TBC1D9: variants seen among roughly 807,000 people sequenced by gnomAD.
The protein encoded by TBC1D9 is TBC1 domain family member 9A.
In TBC1D9, 63 loss-of-function variants were observed where a neutral mutation model predicts 132.0. The observed-to-expected ratio is 0.48, with a 90% confidence interval of 0.39 to 0.59. The LOEUF is 0.59. Ranked by LOEUF, TBC1D9 falls within the 20% of genes least tolerant of loss-of-function variation. The probability of loss-of-function intolerance (pLI) is 0.00; values close to 1 mark genes in which losing one functional copy is unlikely to be tolerated. For synonymous variants in TBC1D9, 610 were observed against 609.9 expected, an observed-to-expected ratio of 1.00 and a Z score of 0.00; for missense variants, 1,261 against 1,592.7, an observed-to-expected ratio of 0.79 and a Z score of 3.54.
intron 16 of TBC1D9, among the ~76,000 whole-genome samples, chr4:140,631,377 TACGCCC>T (rs1736793033): frequency 6.6e-6 from 1 of 151,476 alleles, no homozygotes; most frequent in African/African-American, 2.4e-5. Flanking sequence ...CGCCCACCAG[TACGCCC>T]GGCTAATTTT....
intron 1 of TBC1D9, among the ~76,000 whole-genome samples, chr4:140,748,736 G>A (rs1433476748): frequency 3.9e-5 from 6 of 152,040 alleles, no homozygotes; most frequent in Non-Finnish European, 8.8e-5. Context: ...GCATAATAAA[G>A]ACATTTGGAG....
At chr4:140,728,649 G>A (rs894343758) in intron 1 of TBC1D9, among the ~76,000 whole-genome samples, 3 of 151,534 alleles carry the variant, frequency 2.0e-5, no homozygotes, top group Admixed American at 6.6e-5. Flanking sequence ...TTACAGGTAC[G>A]TGCCACCACG....
intron 9 of TBC1D9, among the ~76,000 whole-genome samples, chr4:140,665,060 T>C (rs1008210163): frequency 6.6e-6 from 1 of 150,552 alleles, no homozygotes; most frequent in Non-Finnish European, 1.5e-5. Context: ...TGAGCCAAGA[T>C]TATGCCATTG....
At chr4:140,623,362 C>T (rs6819656) in intron 20 of TBC1D9, among the ~76,000 whole-genome samples, 28,547 of 152,122 alleles carry the variant, frequency 0.19, 3,191 homozygotes, top group African/African-American at 0.31. Flanking sequence ...GCCACCACAC[C>T]CAGCTTATTT....
At chr4:140,692,849 A>C (rs1246252890) in intron 2 of TBC1D9, among the ~76,000 whole-genome samples, 1 of 151,952 alleles carries the variant, frequency 6.6e-6, no homozygotes, top group African/African-American at 2.4e-5. Context: ...GCAATACCCT[A>C]TCTCTACAAA....
chr4:140,628,358 T>C lies in TBC1D9; in HGVS notation c.2754A>G (p.Ala918=), dbSNP rs1309725509. ...GCTTCTCTGTGAGGTCCCCATGGCA[T>C]GCAGCACCTAGAAGTCACATAAGTA... is the stretch of plus-strand genomic sequence containing the variant. ...FREFVSGLSA[A]CHGDLTEKLK... is the part of the protein sequence containing the mutation. The change falls in exon 17 of 21, where the codon GCA becomes GCG. Residue 918 remains alanine (A), a synonymous_variant. Coordinates refer to ENST00000442267, the MANE Select transcript of TBC1D9 (RefSeq NM_015130.3). The C allele has an allele frequency of 2.5e-6, 4 of 1,613,882 alleles. No homozygotes were observed. The highest frequency in any genetic ancestry group is 3.4e-6 in the Non-Finnish European group (4 of 1,179,744).
chr4:140,645,022 T>C, intron 13 of TBC1D9: 1 of 474,054 alleles, frequency 2.1e-6, no homozygotes, highest in Admixed American at 2.5e-5. Context: ...CAGGGGTGCG[T>C]GGCCAGATGG....
chr4:140,670,441 C>T (rs1046598605), intron 7 of TBC1D9, among the ~76,000 whole-genome samples: 4 of 152,146 alleles, frequency 2.6e-5, no homozygotes, highest in Admixed American at 6.5e-5. Context: ...AACAATGTCA[C>T]TATATGGACC....
intron 1 of TBC1D9, among the ~76,000 whole-genome samples, chr4:140,708,686 G>A (rs1392477221): frequency 6.6e-6 from 1 of 152,156 alleles, no homozygotes; most frequent in African/African-American, 2.4e-5. Context: ...AGAGTTCCTA[G>A]AGGCACCATA....
intron 16 of TBC1D9, among the ~76,000 whole-genome samples, chr4:140,632,637 G>A (rs74707656): frequency 0.042 from 6,438 of 152,104 alleles, 388 homozygotes; most frequent in African/African-American, 0.13. Context: ...TAACTTTTCT[G>A]AGCTTCTATT....
At chr4:140,748,773 A>C (rs1340160048) in intron 1 of TBC1D9, among the ~76,000 whole-genome samples, 1 of 152,236 alleles carries the variant, frequency 6.6e-6, no homozygotes, top group Non-Finnish European at 1.5e-5. Context: ...AAAAGCTGTC[A>C]CAAGCAGGTC....
intron 1 of TBC1D9, among the ~76,000 whole-genome samples, chr4:140,720,182 C>T (rs1412768894): frequency 6.6e-6 from 1 of 152,294 alleles, no homozygotes; most frequent in South Asian, 2.1e-4. Flanking sequence ...AGCAGTAAGT[C>T]CATCAGCTCA....
chr4:140,647,111 T>C (rs770308963), intron 13 of TBC1D9, among the ~76,000 whole-genome samples: 2 of 152,236 alleles, frequency 1.3e-5, no homozygotes, highest in Non-Finnish European at 2.9e-5. Flanking sequence ...ATAGGATGCC[T>C]GTGATCAATA....
At chr4:140,651,981 G>A (rs921415296) in intron 13 of TBC1D9, among the ~76,000 whole-genome samples, 3 of 152,156 alleles carry the variant, frequency 2.0e-5, no homozygotes, top group Non-Finnish European at 4.4e-5. Flanking sequence ...GCTTAAGCCT[G>A]TAATCTTAGG....
At chr4:140,679,555 G>T in intron 4 of TBC1D9, 60 bp downstream of exon 4, 1 of 1,261,356 alleles carries the variant, frequency 7.9e-7, no homozygotes, top group Non-Finnish European at 1.1e-6. Context: ...TGGTTTATGA[G>T]TTCAGGGCAA....
intron 18 of TBC1D9, among the ~76,000 whole-genome samples, chr4:140,626,067 A>C (rs1736706055): frequency 6.6e-6 from 1 of 152,208 alleles, no homozygotes; most frequent in Non-Finnish European, 1.5e-5. Context: ...AAACAAGAGA[A>C]TCCCTTTCTG....
intron 1 of TBC1D9, among the ~76,000 whole-genome samples, chr4:140,748,888 G>C (rs1404972182): frequency 6.6e-6 from 1 of 152,164 alleles, no homozygotes; most frequent in Non-Finnish European, 1.5e-5. Context: ...TGGTAAACGT[G>C]TAGAGATCCA....
chr4:140,712,178 A>G (rs1275299822), intron 1 of TBC1D9: 2 of 148,472 alleles, frequency 1.3e-5, no homozygotes, highest in East Asian at 4.0e-4. Context: ...GGCTCCCTCA[A>G]AAACACACTT....
chr4:140,637,368 AAAG>A (rs1736897744), intron 15 of TBC1D9, among the ~76,000 whole-genome samples: 1 of 151,754 alleles, frequency 6.6e-6, no homozygotes, highest in Non-Finnish European at 1.5e-5. Flanking sequence ...AAAAAAAAAA[AAAG>A]ATGTGATTTC....
Sources: allele counts gnomAD v4.1 joint callset (sites outside exome capture counted in the v4.1 genomes callset), GRCh38; gene constraint gnomAD v4.1.1; transcripts MANE v1.5; gene names NCBI Gene and HGNC (gene_info 2026-07-23, HGNC 2026-07-21).